Variants in RFX8 observed in about 807,000 individuals in gnomAD.
RFX8 encodes the protein DNA-binding protein RFX8.
In RFX8, 46 loss-of-function variants were observed where a neutral mutation model predicts 54.6. The observed-to-expected ratio is 0.84, with a 90% CI of 0.67 to 1.08. The LOEUF is 1.08. RFX8 is among the 50% of genes least tolerant of loss of function. The pLI is 0.00. For synonymous variants in RFX8, 192 were observed against 209.5 expected, an observed-to-expected ratio of 0.92 and a Z score of 0.72; for missense variants, 536 against 562.3, an observed-to-expected ratio of 0.95 and a Z score of 0.47.
At chr2:101,459,932 C>T (rs1362959906) in intron 2 of RFX8, among the ~76,000 whole-genome samples, 1 of 152,182 alleles carries the variant, frequency 6.6e-6, no homozygotes, top group Non-Finnish European at 1.5e-5. Flanking sequence ...GTACTCAAGC[C>T]TCAGCAATGG....
intron 2 of RFX8, among the ~76,000 whole-genome samples, chr2:101,439,839 A>G (rs1173347306): frequency 6.6e-6 from 1 of 151,976 alleles, no homozygotes; most frequent in Non-Finnish European, 1.5e-5. Flanking sequence ...GCCTCCCGAC[A>G]TGCTAGAATG....
At chr2:101,412,355 T>A (rs1315998459) in intron 8 of RFX8, among the ~76,000 whole-genome samples, 1 of 152,158 alleles carries the variant, frequency 6.6e-6, no homozygotes, top group South Asian at 2.1e-4. Context: ...GGAAGGGGGA[T>A]TTTTTTCTTG....
chr2:101,433,526 T>A (rs1487126278), intron 2 of RFX8, among the ~76,000 whole-genome samples: 2 of 152,248 alleles, frequency 1.3e-5, no homozygotes, highest in Admixed American at 6.5e-5. Flanking sequence ...ATTTTTCCCA[T>A]AAAATCTTTC....
intron 2 of RFX8, among the ~76,000 whole-genome samples, chr2:101,461,072 T>C (rs1689246664): frequency 6.6e-6 from 1 of 150,436 alleles, no homozygotes; most frequent in South Asian, 2.1e-4. Context: ...ATCGAGACCA[T>C]CCTGGTTAAC....
At chr2:101,474,400 C>CGCGCGGG (rs1384987961) in intron 1 of RFX8, 7 of 380,172 alleles carry the variant, frequency 1.8e-5, no homozygotes, top group African/African-American at 4.2e-5. Flanking sequence ...GCGCGGGGGG[C>CGCGCGGG]GCGCGGGGCG....
chr2:101,399,282 T>C (rs1411662571), intron 11 of RFX8, among the ~76,000 whole-genome samples: 1 of 152,170 alleles, frequency 6.6e-6, no homozygotes, highest in South Asian at 2.1e-4. Context: ...GCTTTTTTGT[T>C]GATGATGAGT....
At chr2:101,444,919 A>G (rs1387409075) in intron 2 of RFX8, among the ~76,000 whole-genome samples, 1 of 152,218 alleles carries the variant, frequency 6.6e-6, no homozygotes, top group African/African-American at 2.4e-5. Flanking sequence ...TCCTTAATTA[A>G]TGGATGAGGA....
intron 9 of RFX8, among the ~76,000 whole-genome samples, chr2:101,408,973 C>T (rs937353193): frequency 3.9e-5 from 6 of 152,232 alleles, no homozygotes; most frequent in Non-Finnish European, 8.8e-5. Flanking sequence ...GCTTCCAGCC[C>T]CAGGCCCTCG....
intron 11 of RFX8, among the ~76,000 whole-genome samples, chr2:101,399,621 A>G (rs556325684): frequency 9.2e-5 from 14 of 152,362 alleles, no homozygotes; most frequent in Non-Finnish European, 1.3e-4. Flanking sequence ...TGGAGAAATA[A>G]TAACGATGAC....
intron 2 of RFX8, among the ~76,000 whole-genome samples, chr2:101,462,416 C>A (rs948976915): frequency 1.3e-5 from 2 of 151,986 alleles, no homozygotes; most frequent in Admixed American, 6.6e-5. Flanking sequence ...AGTGACAGAG[C>A]AACACTCTGC....
At chr2:101,462,859 G>T (rs1436122308) in intron 2 of RFX8, among the ~76,000 whole-genome samples, 2 of 152,092 alleles carry the variant, frequency 1.3e-5, no homozygotes, top group Non-Finnish European at 2.9e-5. Flanking sequence ...ATCTTTATCA[G>T]TTAGGGTCCC....
At chr2:101,419,947 C>T (rs1403239426) in intron 4 of RFX8, among the ~76,000 whole-genome samples, 2 of 152,194 alleles carry the variant, frequency 1.3e-5, no homozygotes, top group African/African-American at 2.4e-5. Context: ...CGTCTCTGCT[C>T]ACCCCTCACC....
intron 2 of RFX8, among the ~76,000 whole-genome samples, chr2:101,424,450 A>G (rs1452064587): frequency 6.6e-6 from 1 of 152,234 alleles, no homozygotes; most frequent in African/African-American, 2.4e-5. Context: ...ATTGTGGAAG[A>G]CAATGTGGCG....
At chr2:101,450,363 C>T (rs781201017) in intron 2 of RFX8, among the ~76,000 whole-genome samples, 6 of 152,108 alleles carry the variant, frequency 3.9e-5, no homozygotes, top group Admixed American at 6.5e-5. Flanking sequence ...CTGACACTAC[C>T]GGTGCACAAC....
chr2:101,468,991 A>AAT (rs1689739124), intron 1 of RFX8, among the ~76,000 whole-genome samples: 1 of 125,084 alleles, frequency 8.0e-6, no homozygotes, highest in African/African-American at 3.1e-5. Context: ...TATATATATA[A>AAT]GTATATATAT....
intron 11 of RFX8, among the ~76,000 whole-genome samples, chr2:101,399,055 A>T (rs1004333963): frequency 6.6e-6 from 1 of 152,144 alleles, no homozygotes; most frequent in Non-Finnish European, 1.5e-5. Context: ...ATAGTTTTTC[A>T]CTTTGTTCTT....
chr2:101,461,222 C>T (rs1345868571), intron 2 of RFX8, among the ~76,000 whole-genome samples: 1 of 142,872 alleles, frequency 7.0e-6, no homozygotes, highest in Non-Finnish European at 1.5e-5. Context: ...GAGATCACGC[C>T]ACTGCACCCC....
intron 1 of RFX8, among the ~76,000 whole-genome samples, chr2:101,468,994 ATATATATACG>A (rs1315912950): frequency 3.7e-4 from 12 of 32,522 alleles, no homozygotes; most frequent in African/African-American, 7.3e-4. Context: ...ATATATAAGT[ATATATATACG>A]TATATATATA....
chr2:101,433,116 G>A (rs1029962531), intron 2 of RFX8, among the ~76,000 whole-genome samples: 1 of 152,174 alleles, frequency 6.6e-6, no homozygotes, highest in Non-Finnish European at 1.5e-5. Context: ...CAGTGGAACC[G>A]GCCTCCTTGT....
Sources: allele counts gnomAD v4.1 joint callset (sites outside exome capture counted in the v4.1 genomes callset), GRCh38; gene constraint gnomAD v4.1.1; transcripts MANE v1.5; gene names NCBI Gene and HGNC (gene_info 2026-07-23, HGNC 2026-07-21).